The following NTM variants were observed in gnomAD, a reference collection of about 807,000 sequenced individuals.
The protein encoded by NTM is IgLON family member 2.
NTM carries 13 observed loss-of-function variants against 42.1 expected under a neutral mutation model. The observed-to-expected ratio is 0.31, with a 90% CI of 0.20 to 0.49. The LOEUF is 0.49. Ranked by LOEUF, NTM falls within the 20% of genes least tolerant of loss-of-function variation. The pLI, the probability that NTM is intolerant of heterozygous loss-of-function variation, is 0.99. For synonymous variants in NTM, 187 were observed against 179.2 expected, an observed-to-expected ratio of 1.04 and a Z score of -0.35; for missense variants, 373 against 452.8, an observed-to-expected ratio of 0.82 and a Z score of 1.60.
chr11:131,750,432 A>C (rs1044346909), intron 1 of NTM, among the ~76,000 whole-genome samples: 5 of 152,168 alleles, frequency 3.3e-5, no homozygotes, highest in Admixed American at 6.5e-5. Flanking sequence ...GCCTGCCATA[A>C]CAGTTACTGG....
chr11:131,706,900 T>G (rs1024899226), intron 1 of NTM, among the ~76,000 whole-genome samples: 4 of 152,068 alleles, frequency 2.6e-5, no homozygotes, highest in Non-Finnish European at 4.4e-5. Flanking sequence ...AGGTACAATG[T>G]GATGTTGTGA....
At chr11:131,989,968 C>T (rs1193070403) in intron 2 of NTM, among the ~76,000 whole-genome samples, 1 of 152,044 alleles carries the variant, frequency 6.6e-6, no homozygotes, top group Non-Finnish European at 1.5e-5. Flanking sequence ...GTAATTCTTT[C>T]ATGCAAGAAG....
At chr11:131,439,885 C>G (rs1322204207) in intron 1 of NTM, among the ~76,000 whole-genome samples, 5 of 150,782 alleles carry the variant, frequency 3.3e-5, no homozygotes, top group Admixed American at 3.3e-4. Flanking sequence ...CACCCATCTT[C>G]TGCATTGATT....
At chr11:131,380,999 A>T (rs1942604839) in intron 1 of NTM, among the ~76,000 whole-genome samples, 1 of 152,202 alleles carries the variant, frequency 6.6e-6, no homozygotes, top group African/African-American at 2.4e-5. Flanking sequence ...GCTGTAATCA[A>T]TAATAAACCG....
chr11:131,616,900 T>A (rs2137601505), intron 1 of NTM, among the ~76,000 whole-genome samples: 1 of 152,212 alleles, frequency 6.6e-6, no homozygotes, highest in Non-Finnish European at 1.5e-5. Context: ...CTCTGCTTTA[T>A]GGCAAATGGG....
chr11:132,173,618 A>G (rs2076388759), intron 3 of NTM, among the ~76,000 whole-genome samples: 1 of 152,210 alleles, frequency 6.6e-6, no homozygotes, highest in South Asian at 2.1e-4. Flanking sequence ...ATTTGTATGC[A>G]TCCAGCTTGA....
At chr11:131,536,123 C>T (rs968638162) in intron 1 of NTM, 4 of 152,186 alleles carry the variant, frequency 2.6e-5, no homozygotes, top group African/African-American at 7.2e-5. Context: ...CAAATGGGTA[C>T]TTGCACCCCA....
intron 1 of NTM, among the ~76,000 whole-genome samples, chr11:131,829,944 G>A (rs1015159270): frequency 6.6e-6 from 1 of 152,074 alleles, no homozygotes; most frequent in Non-Finnish European, 1.5e-5. Context: ...TGTGGAACAG[G>A]TTTTTCTTAA....
intron 2 of NTM, among the ~76,000 whole-genome samples, chr11:132,109,348 TCCTCTC>T (rs2062851344): frequency 6.6e-6 from 1 of 152,030 alleles, no homozygotes; most frequent in Admixed American, 6.6e-5. Flanking sequence ...TTTCTCTACA[TCCTCTC>T]CCTCACCCCT....
At chr11:132,280,379 A>C (rs2093922871) in intron 4 of NTM, among the ~76,000 whole-genome samples, 1 of 151,260 alleles carries the variant, frequency 6.6e-6, no homozygotes. Flanking sequence ...CCTAGGGTGC[A>C]CCAGCTCTTT....
chr11:132,212,926 C>T (rs1413572041), intron 4 of NTM, among the ~76,000 whole-genome samples: 1 of 151,214 alleles, frequency 6.6e-6, no homozygotes, highest in Non-Finnish European at 1.5e-5. Context: ...AGTTTTCACA[C>T]TCATGAACTC....
intron 1 of NTM, among the ~76,000 whole-genome samples, chr11:131,563,989 G>A (rs886854792): frequency 2.0e-5 from 3 of 152,042 alleles, no homozygotes; most frequent in African/African-American, 7.2e-5. Context: ...CCTTGTCCTG[G>A]TCCTGCAACC....
At chr11:131,768,204 C>T (rs779650564) in intron 1 of NTM, among the ~76,000 whole-genome samples, 7 of 151,288 alleles carry the variant, frequency 4.6e-5, no homozygotes, top group African/African-American at 7.3e-5. Context: ...CTACAACCTC[C>T]GCCTCCTGGG....
chr11:132,226,720 A>G (rs897715467), intron 4 of NTM, among the ~76,000 whole-genome samples: 7 of 152,216 alleles, frequency 4.6e-5, no homozygotes, highest in Non-Finnish European at 1.0e-4. Flanking sequence ...TCGTCCATCA[A>G]GAATTGATGA....
At chr11:131,428,432 C>A (rs1044052987) in intron 1 of NTM, among the ~76,000 whole-genome samples, 1 of 152,180 alleles carries the variant, frequency 6.6e-6, no homozygotes, top group Non-Finnish European at 1.5e-5. Flanking sequence ...CTATGTGTGG[C>A]CTCTTTCCTC....
At chr11:131,624,246 G>A (rs1182997141) in intron 1 of NTM, among the ~76,000 whole-genome samples, 2 of 152,178 alleles carry the variant, frequency 1.3e-5, no homozygotes, top group East Asian at 1.9e-4. Flanking sequence ...AAGGACCAGC[G>A]TTTCCAGCAC....
intron 1 of NTM, among the ~76,000 whole-genome samples, chr11:131,637,191 C>G (rs1181960113): frequency 6.6e-6 from 1 of 151,950 alleles, no homozygotes; most frequent in African/African-American, 2.4e-5. Context: ...GTGAAGTCTG[C>G]GATGCATAGC....
intron 8 of NTM, 143 bp downstream of exon 8, chr11:132,330,328 C>T (rs1466437578): frequency 6.9e-6 from 6 of 875,172 alleles, no homozygotes; most frequent in Admixed American, 2.8e-5. Flanking sequence ...CAACCATCTC[C>T]GTGTCAATTT....
chr11:131,989,019 T>C (rs1273215030), intron 2 of NTM, among the ~76,000 whole-genome samples: 2 of 152,216 alleles, frequency 1.3e-5, no homozygotes, highest in African/African-American at 4.8e-5. Flanking sequence ...CATAACCTTC[T>C]GCACCAGTTT....
Sources: allele counts gnomAD v4.1 joint callset (sites outside exome capture counted in the v4.1 genomes callset), GRCh38; gene constraint gnomAD v4.1.1; transcripts MANE v1.5; gene names NCBI Gene and HGNC (gene_info 2026-07-23, HGNC 2026-07-21).